The following NIPBL variants were observed in gnomAD, a reference collection of about 807,000 sequenced individuals.
NIPBL encodes the protein NIPBL cohesin loading factor, also known as nipped-B-like protein.
NIPBL carries 19 observed loss-of-function variants against 321.8 expected under a neutral mutation model. That is an observed-to-expected ratio of 0.06 (90% CI 0.04 to 0.09). NIPBL has a LOEUF of 0.09. Ranked by LOEUF, NIPBL falls within the 10% of genes least tolerant of loss-of-function variation. NIPBL has a pLI of 1.00. For missense variants in NIPBL, 2,210 were observed against 3,327.0 expected (o/e 0.66, Z 8.26); for synonymous variants, 1,106 against 1,114.1 (o/e 0.99, Z 0.14).
intron 1 of NIPBL, among the ~76,000 whole-genome samples, chr5:36,931,846 A>G (rs1384498717): frequency 2.0e-5 from 2 of 102,456 alleles, no homozygotes; most frequent in African/African-American, 3.6e-5. Flanking sequence ...CCTGTTTTTG[A>G]TTTTGTTTAC....
intron 29 of NIPBL, among the ~76,000 whole-genome samples, chr5:37,022,968 A>G (rs575850622): frequency 6.6e-6 from 1 of 152,352 alleles, no homozygotes; most frequent in Non-Finnish European, 1.5e-5. Flanking sequence ...AAATGAAAGG[A>G]AACATTGGCA....
At chr5:37,041,870 A>ATTTTT (rs70976272) in intron 34 of NIPBL, among the ~76,000 whole-genome samples, 1 of 145,520 alleles carries the variant, frequency 6.9e-6, no homozygotes, top group African/African-American at 2.5e-5. Flanking sequence ...CAGCCACTAC[A>ATTTTT]TTTTTTTTTT....
At chr5:37,041,178 C>G (rs961690436) in intron 34 of NIPBL, among the ~76,000 whole-genome samples, 1 of 124,752 alleles carries the variant, frequency 8.0e-6, no homozygotes, top group Non-Finnish European at 1.7e-5. Context: ...TAAGATATTT[C>G]TTTTACTTGA....
intron 7 of NIPBL, 142 bp from the exon 8 acceptor site, chr5:36,971,803 A>AT: frequency 6.8e-7 from 1 of 1,464,030 alleles, no homozygotes; most frequent in Non-Finnish European, 9.0e-7. Context: ...CCAAGAAGAA[A>AT]ACAGGAAAGT....
chr5:37,041,268 T>G (rs1222322086), intron 34 of NIPBL, among the ~76,000 whole-genome samples: 1 of 128,378 alleles, frequency 7.8e-6, no homozygotes, highest in Non-Finnish European at 1.6e-5. Flanking sequence ...TTTTTTTTTT[T>G]TTTTTTTTTT....
chr5:37,024,785 C>A, intron 30 of NIPBL, 66 bp downstream of exon 30: 1 of 1,271,346 alleles, frequency 7.9e-7, no homozygotes, highest in Non-Finnish European at 1.1e-6. Flanking sequence ...TTTATTGCAC[C>A]TAAATGTTGA....
In NIPBL at chr5:36,901,228, A is replaced by G. The variant is rs141655125; in HGVS notation, c.-80+24050A>G. Among the ~76,000 whole-genome samples the G allele has an allele frequency of 1.3e-4, 20 of 152,322 alleles. No individual in the cohort carries two copies. In the East Asian group the frequency reaches 3.9e-3, roughly 29 times the overall value. Reference sequence around the variant, plus strand: ...TTTTTGTTTCTGTATTAATTTGCTTAAGATAATGGCCTCCAGCTGCCTCCA... The same window carrying G: ...TTTTTGTTTCTGTATTAATTTGCTTGAGATAATGGCCTCCAGCTGCCTCCA... On this transcript the variant is annotated intron_variant, in intron 1 of 46. Coordinates refer to ENST00000282516, the MANE Select transcript of NIPBL (RefSeq NM_133433.4).
chr5:36,941,946 A>T (rs1739107295), intron 1 of NIPBL, among the ~76,000 whole-genome samples: 2 of 152,130 alleles, frequency 1.3e-5, no homozygotes, highest in Admixed American at 1.3e-4. Context: ...CATCATCCTT[A>T]ATTTGTATAC....
intron 44 of NIPBL, among the ~76,000 whole-genome samples, chr5:37,060,414 C>T (rs1461880514): frequency 6.6e-6 from 1 of 152,198 alleles, no homozygotes; most frequent in Non-Finnish European, 1.5e-5. Flanking sequence ...TCCTCCCACA[C>T]TGGCCTCCCA....
intron 1 of NIPBL, among the ~76,000 whole-genome samples, chr5:36,934,566 A>C (rs1334025168): frequency 6.6e-6 from 1 of 152,170 alleles, no homozygotes; most frequent in Non-Finnish European, 1.5e-5. Flanking sequence ...AGTTTAGATT[A>C]CTAATGAATG....
chr5:36,887,620 C>T lies in NIPBL; in HGVS notation c.-80+10442C>T, dbSNP rs184131825. 2.6e-5 allele frequency among the ~76,000 whole-genome samples: 4 copies of T among 152,284 alleles called. No homozygotes were observed. The East Asian group carries it at 5.8e-4, about 22-fold the overall frequency. ...TTAAGTCTTTTGCTAGGTCTTGCTC[C>T]TCTACCTACCCCTTTAAATATTTGT... On this transcript the variant is annotated intron_variant, in intron 1 of 46. Transcript: ENST00000282516.
chr5:36,966,157 A>G (rs951331794), intron 6 of NIPBL, among the ~76,000 whole-genome samples: 2 of 152,120 alleles, frequency 1.3e-5, no homozygotes, highest in Non-Finnish European at 2.9e-5. Flanking sequence ...TTTTCAAAGC[A>G]TGTTCAAATC....
intron 33 of NIPBL, among the ~76,000 whole-genome samples, chr5:37,037,392 A>AATATATATATATATGT (rs1751815675): frequency 1.4e-5 from 2 of 145,740 alleles, no homozygotes; most frequent in Non-Finnish European, 3.0e-5. Context: ...CGTCTCAAAA[A>AATATATATATATATGT]ATATATATAT....
chr5:36,891,382 TAAAC>T (rs1561353322), intron 1 of NIPBL, among the ~76,000 whole-genome samples: 1 of 152,210 alleles, frequency 6.6e-6, no homozygotes, highest in Non-Finnish European at 1.5e-5. Flanking sequence ...ATGATCAAGA[TAAAC>T]AAGGTGCAGT....
chr5:36,913,340 G>C (rs1307638658), intron 1 of NIPBL, among the ~76,000 whole-genome samples: 1 of 150,286 alleles, frequency 6.7e-6, no homozygotes, highest in Non-Finnish European at 1.5e-5. Context: ...TGCTTCTTAT[G>C]TAAAAATGTA....
At chr5:37,057,041 C>G in intron 42 of NIPBL, 145 bp from the exon 43 acceptor site, 1 of 751,382 alleles carries the variant, frequency 1.3e-6, no homozygotes, top group South Asian at 1.6e-5. Flanking sequence ...CTCTGTGTCT[C>G]TCCCCACTCT....
intron 1 of NIPBL, among the ~76,000 whole-genome samples, chr5:36,946,332 A>G (rs1484692524): frequency 6.6e-6 from 1 of 151,936 alleles, no homozygotes; most frequent in Non-Finnish European, 1.5e-5. Flanking sequence ...CAGCCACACT[A>G]TAACAAGGTC....
At chr5:37,054,068 C>T (rs373536739) in intron 42 of NIPBL, among the ~76,000 whole-genome samples, 15 of 151,900 alleles carry the variant, frequency 9.9e-5, no homozygotes, top group Middle Eastern at 3.4e-3. Context: ...TGGTGGCACG[C>T]GCCTGTAATC....
chr5:36,922,495 A>G (rs1399266091), intron 1 of NIPBL, among the ~76,000 whole-genome samples: 1 of 152,096 alleles, frequency 6.6e-6, no homozygotes, highest in Non-Finnish European at 1.5e-5. Flanking sequence ...TCTTTTGGCC[A>G]TTGTCGAGTA....
Sources: gnomAD v4.1 joint callset for allele counts (sites outside exome capture counted in the v4.1 genomes callset) on GRCh38, gnomAD v4.1.1 for gene constraint, MANE v1.5 for transcripts, NCBI Gene and HGNC (gene_info 2026-07-23, HGNC 2026-07-21) for gene names.